SLC13A1: variants seen among roughly 807,000 people sequenced by gnomAD.
SLC13A1 encodes the protein Na(+)/sulfate cotransporter.
A neutral mutation model predicts 70.0 loss-of-function variants in SLC13A1; 65 were observed. That is an observed-to-expected ratio of 0.93 (90% CI 0.76 to 1.14). The LOEUF is 1.14. Ranked by LOEUF, SLC13A1 falls within the 50% of genes most tolerant of loss-of-function variation. The pLI, the probability that SLC13A1 is intolerant of heterozygous loss-of-function variation, is 0.00. For missense variants in SLC13A1, 726 were observed against 717.8 expected (o/e 1.01, Z -0.13); for synonymous variants, 275 against 250.5 (o/e 1.10, Z -0.92).
At chr7:123,129,586 T>TC in intron 8 of SLC13A1, 105 bp from the exon 9 acceptor site, 1 of 779,278 alleles carries the variant, frequency 1.3e-6, no homozygotes, top group African/African-American at 1.7e-5. Flanking sequence ...AATATGAATC[T>TC]CCCTTCATGC....
At chr7:123,153,045 G>A (rs566519404) in intron 6 of SLC13A1, among the ~76,000 whole-genome samples, 85 of 152,012 alleles carry the variant, frequency 5.6e-4, no homozygotes, top group African/African-American at 2.0e-3. Flanking sequence ...ATTTCCCTTT[G>A]CCACCTTAAA....
chr7:123,126,173 G>A (rs1156728048), intron 10 of SLC13A1, among the ~76,000 whole-genome samples: 1 of 152,096 alleles, frequency 6.6e-6, no homozygotes, highest in Non-Finnish European at 1.5e-5. Context: ...GAATTGATCT[G>A]TTTTCTGAGA....
chr7:123,189,641 A>G (rs1051241154), intron 1 of SLC13A1, among the ~76,000 whole-genome samples: 4 of 152,122 alleles, frequency 2.6e-5, no homozygotes, highest in African/African-American at 7.2e-5. Context: ...AAGTATTTCT[A>G]TCTATGAACT....
chr7:123,149,244 T>C (rs987074964), intron 6 of SLC13A1, among the ~76,000 whole-genome samples: 2 of 152,164 alleles, frequency 1.3e-5, no homozygotes, highest in African/African-American at 2.4e-5. Context: ...TTCCTACATA[T>C]GGTCCAAGGG....
Position 123,184,807 on chromosome 7 carries a change from T to C in SLC13A1, c.100-3706A>G, listed in dbSNP as rs116251778. On this transcript the variant is annotated intron_variant, in intron 1 of 14. Coordinates refer to ENST00000194130, the MANE Select transcript of SLC13A1 (RefSeq NM_022444.4). ...TGGGAGTGCAGATATCTCCTCAACA[T>C]ACTGATTTCATTTCCTTTGGGTATA... Among the ~76,000 whole-genome samples the C allele has an allele frequency of 8.3e-3, 1,269 of 152,174 alleles. 20 individuals carry two copies. Among genetic ancestry groups the C allele is most frequent in the African/African-American group, 0.028 (1,178 of 41,534 alleles).
At chr7:123,159,282 G>A (rs150069515) in intron 6 of SLC13A1, among the ~76,000 whole-genome samples, 39 of 152,296 alleles carry the variant, frequency 2.6e-4, no homozygotes, top group Non-Finnish European at 1.0e-4. Flanking sequence ...AAGTGACTCT[G>A]TGTGGAAAAG....
At chr7:123,141,078 G>T (rs1419809317) in intron 7 of SLC13A1, among the ~76,000 whole-genome samples, 2 of 151,114 alleles carry the variant, frequency 1.3e-5, no homozygotes, top group Non-Finnish European at 3.0e-5. Flanking sequence ...ACTGTTTTTT[G>T]CTGTATTCCA....
intron 7 of SLC13A1, among the ~76,000 whole-genome samples, chr7:123,143,540 GCTC>G (rs1794233202): frequency 6.6e-6 from 1 of 152,078 alleles, no homozygotes; most frequent in Admixed American, 6.6e-5. Flanking sequence ...CAATTGCTGG[GCTC>G]CTCCTCTCCC....
chr7:123,170,624 T>C (rs1012672682), intron 3 of SLC13A1, among the ~76,000 whole-genome samples: 1 of 151,326 alleles, frequency 6.6e-6, no homozygotes, highest in African/African-American at 2.4e-5. Flanking sequence ...TTGGTTTTTT[T>C]TGTTTGTTTG....
At chr7:123,196,148 T>TG (rs1196287447) in intron 1 of SLC13A1, among the ~76,000 whole-genome samples, 1 of 152,126 alleles carries the variant, frequency 6.6e-6, no homozygotes, top group African/African-American at 2.4e-5. Context: ...AGATTTTAAC[T>TG]GGAAATATTT....
At chr7:123,175,057 T>G (rs991642333) in intron 2 of SLC13A1, among the ~76,000 whole-genome samples, 2 of 152,110 alleles carry the variant, frequency 1.3e-5, no homozygotes, top group African/African-American at 4.8e-5. Context: ...AGATTTATCT[T>G]GAAGGCAAGA....
chr7:123,158,710 G>C (rs1277718087), intron 6 of SLC13A1, among the ~76,000 whole-genome samples: 2 of 150,816 alleles, frequency 1.3e-5, no homozygotes, highest in Admixed American at 1.3e-4. Context: ...GCCTACAAAG[G>C]AATAATAATT....
intron 7 of SLC13A1, among the ~76,000 whole-genome samples, chr7:123,141,309 GA>G (rs1379614834): frequency 6.6e-6 from 1 of 152,102 alleles, no homozygotes; most frequent in African/African-American, 2.4e-5. Flanking sequence ...AATGTTTTAA[GA>G]CTCCTTTTGT....
intron 1 of SLC13A1, among the ~76,000 whole-genome samples, chr7:123,191,650 A>G (rs904340979): frequency 2.6e-5 from 4 of 152,204 alleles, no homozygotes; most frequent in African/African-American, 9.6e-5. Context: ...AGGATGGGCA[A>G]GTAATACTCA....
chr7:123,173,895 A>C (rs1795355945), intron 2 of SLC13A1, among the ~76,000 whole-genome samples: 2 of 149,014 alleles, frequency 1.3e-5, no homozygotes, highest in East Asian at 2.0e-4. Context: ...CTAGTCTCCC[A>C]CCTCTTTCAA....
chr7:123,138,807 G>A (rs1390069321), intron 7 of SLC13A1, among the ~76,000 whole-genome samples: 1 of 151,156 alleles, frequency 6.6e-6, no homozygotes, highest in Non-Finnish European at 1.5e-5. Context: ...TATATATTTT[G>A]GTTATTAATA....
chr7:123,132,385 T>C (rs1793793457), intron 8 of SLC13A1, among the ~76,000 whole-genome samples: 1 of 152,176 alleles, frequency 6.6e-6, no homozygotes, highest in Non-Finnish European at 1.5e-5. Flanking sequence ...TTTTCTTTTC[T>C]TTTGAGACAG....
Position 123,123,034 on chromosome 7 carries a change from T to C in SLC13A1, c.1350+92A>G, listed in dbSNP as rs562051348. On this transcript the variant is annotated intron_variant, in intron 12 of 14. Transcript: ENST00000194130. ...AATTTGCAACATTAAAATGACAGAG[T>C]GAAATTGAATATGCCCAAAGATTGA... The C allele has an allele frequency of 2.8e-5, 28 of 1,017,270 alleles. No individual in the cohort carries two copies. The African/African-American group carries it at 3.6e-4, about 13-fold the overall frequency. 63.0% of individuals were successfully genotyped at this position (1,017,270 alleles called of 1,614,324 possible).
intron 6 of SLC13A1, among the ~76,000 whole-genome samples, chr7:123,160,533 T>A (rs541837789): frequency 3.9e-5 from 6 of 152,156 alleles, no homozygotes; most frequent in African/African-American, 1.4e-4. Flanking sequence ...AGTTGCTGAA[T>A]AAAAAGAGAC....
Sources: gnomAD v4.1 joint callset for allele counts (sites outside exome capture counted in the v4.1 genomes callset) on GRCh38, gnomAD v4.1.1 for gene constraint, MANE v1.5 for transcripts, NCBI Gene and HGNC (gene_info 2026-07-23, HGNC 2026-07-21) for gene names.